The following NCAM1 variants were observed in gnomAD, a reference collection of about 807,000 sequenced individuals.
The protein encoded by NCAM1 is neural cell adhesion molecule 1.
A neutral mutation model predicts 109.8 loss-of-function variants in NCAM1; 14 were observed. The observed-to-expected ratio is 0.13, with a 90% CI of 0.08 to 0.20. The LOEUF (loss-of-function observed/expected upper bound fraction) is 0.20, where lower values mean the gene tolerates loss of function less well. Ranked by LOEUF, NCAM1 falls within the 10% of genes least tolerant of loss-of-function variation. The pLI, the probability that NCAM1 is intolerant of heterozygous loss-of-function variation, is 1.00. For missense variants in NCAM1, 774 were observed against 1,109.9 expected (o/e 0.70, Z 4.30); for synonymous variants, 418 against 442.9 (o/e 0.94, Z 0.70).
At position 113,276,474 on chromosome 11, in the gene NCAM1, G is replaced by A. The variant is rs1946400871; in HGVS notation, c.*1087G>A. On this transcript the variant is annotated 3_prime_UTR_variant, in exon 20 of 20. Transcript: ENST00000316851. ...CAGGCGTTCTCACCCTTCTTTTGAA[G>A]GACTCCTTAGGCTTTGTTGAATGAA... The A allele has an allele frequency of 6.6e-6, 1 of 152,638 alleles. No individual in the cohort carries two copies. The highest frequency in any genetic ancestry group is 2.4e-5 in the African/African-American group (1 of 41,442). The allele number at this position is 152,638 out of a possible 1,614,324, so 9.5% of individuals were successfully genotyped here.
At position 112,963,123 on chromosome 11, in the gene NCAM1, G is replaced by A. The variant is rs1256193127; in HGVS notation, c.52+1459G>A. 1 of 152,214 alleles carries A rather than the reference G, an allele frequency of 6.6e-6. No homozygotes were observed. Among genetic ancestry groups the A allele is most frequent in the African/African-American group, 2.4e-5 (1 of 41,392 alleles). The allele number at this position is 152,214 out of a possible 1,614,324, so 9.4% of individuals were successfully genotyped here. A position where few individuals can be genotyped will look rare whatever the true frequency, so the allele number is the denominator to read the frequency against. On this transcript the variant is annotated intron_variant, in intron 1 of 19. Transcript: ENST00000316851. This position sits in a 1 kb window ranked among gnomAD's most constrained non-coding sequence, Gnocchi z 4.6. Reference sequence around the variant, plus strand: ...CGAAGCTGGCTGGGCGGGAAGCCGCGAGAGGCTTTTATTGCGGCGCGGGTG... The same window carrying A: ...CGAAGCTGGCTGGGCGGGAAGCCGCAAGAGGCTTTTATTGCGGCGCGGGTG...
chr11:113,203,235 G>C (rs1209182682), intron 2 of NCAM1, among the ~76,000 whole-genome samples: 1 of 152,238 alleles, frequency 6.6e-6, no homozygotes, highest in Non-Finnish European at 1.5e-5. Context: ...GCCTTTAAAT[G>C]CTGTCATGAT....
chr11:112,962,419 G>A lies in NCAM1; in HGVS notation c.52+755G>A, dbSNP rs1040426372. Among the ~76,000 whole-genome samples, 8 of 152,002 alleles carry A rather than the reference G, an allele frequency of 5.3e-5. No homozygotes were observed. Among genetic ancestry groups the A allele is most frequent in the Admixed American group, 5.2e-4 (8 of 15,280 alleles). On this transcript the variant is annotated intron_variant, in intron 1 of 19. Transcript: ENST00000316851. The surrounding 1 kb of genome is among the most constrained non-coding windows in gnomAD (Gnocchi z 5.6). ...CGGAGGGGCGGAGGGCGAGGAGGGCGTGATTGGGGCTGCCTGGTGTGTGCG... is the reference window on the plus strand; with the variant it reads ...CGGAGGGGCGGAGGGCGAGGAGGGCATGATTGGGGCTGCCTGGTGTGTGCG...
chr11:113,090,653 C>T (rs1477167930), intron 1 of NCAM1, among the ~76,000 whole-genome samples: 1 of 152,098 alleles, frequency 6.6e-6, no homozygotes, highest in African/African-American at 2.4e-5. Flanking sequence ...AACCTAATAG[C>T]CCAAGTATGC....
At chr11:112,978,474 G>C (rs1951066681) in intron 1 of NCAM1, among the ~76,000 whole-genome samples, 1 of 151,746 alleles carries the variant, frequency 6.6e-6, no homozygotes, top group Non-Finnish European at 1.5e-5. Context: ...TAAACATTGA[G>C]AATAAAGAGA....
chr11:113,082,631 A>G (rs1215241241), intron 1 of NCAM1, among the ~76,000 whole-genome samples: 2 of 152,242 alleles, frequency 1.3e-5, no homozygotes, highest in Non-Finnish European at 2.9e-5. Context: ...AAGCAATTCA[A>G]TGAAACCTTT....
chr11:113,159,462 C>G (rs1242026793), intron 1 of NCAM1, among the ~76,000 whole-genome samples: 1 of 152,028 alleles, frequency 6.6e-6, no homozygotes, highest in African/African-American at 2.4e-5. Flanking sequence ...CACCTGTCTC[C>G]CTCAGAACTG....
At chr11:113,153,174 C>T (rs1440138004) in intron 1 of NCAM1, among the ~76,000 whole-genome samples, 3 of 152,046 alleles carry the variant, frequency 2.0e-5, no homozygotes. Flanking sequence ...TCCTGAGTAG[C>T]TGGCACTACA....
At chr11:113,221,408 A>G (rs1195408991) in intron 9 of NCAM1, 83 bp downstream of exon 9, 1 of 1,367,732 alleles carries the variant, frequency 7.3e-7, no homozygotes, top group Non-Finnish European at 1.0e-6. Flanking sequence ...ATAACCAGAC[A>G]TGCTAAACTA....
At chr11:113,046,605 CA>C (rs1255280148) in intron 1 of NCAM1, among the ~76,000 whole-genome samples, 3 of 152,066 alleles carry the variant, frequency 2.0e-5, no homozygotes, top group Non-Finnish European at 2.9e-5. Context: ...AGCAACATTG[CA>C]GATGATAGAC....
chr11:113,242,887 C>G (rs1425769918), intron 14 of NCAM1: 2 of 1,613,594 alleles, frequency 1.2e-6, no homozygotes, highest in South Asian at 1.1e-5. Context: ...GACCTCTGAT[C>G]GCTTGTTGTA....
chr11:113,139,922 G>A (rs1941752036), intron 1 of NCAM1, among the ~76,000 whole-genome samples: 1 of 152,156 alleles, frequency 6.6e-6, no homozygotes, highest in South Asian at 2.1e-4. Context: ...ATTTGTCAAG[G>A]AAAAGATTAT....
intron 1 of NCAM1, among the ~76,000 whole-genome samples, chr11:112,961,916 C>T (rs1178929006): frequency 2.0e-5 from 3 of 152,134 alleles, no homozygotes; most frequent in African/African-American, 7.2e-5. Context: ...GCCCTTCCCA[C>T]TTTGTGCGCC....
chr11:113,198,742 A>G (rs1943935029), intron 1 of NCAM1, among the ~76,000 whole-genome samples: 1 of 152,204 alleles, frequency 6.6e-6, no homozygotes, highest in South Asian at 2.1e-4. Flanking sequence ...TTGGAGATGG[A>G]CAGAAGGTTA....
chr11:112,986,159 T>C (rs1591216169), intron 1 of NCAM1, among the ~76,000 whole-genome samples: 1 of 152,084 alleles, frequency 6.6e-6, no homozygotes, highest in African/African-American at 2.4e-5. Flanking sequence ...TCTGCACTTA[T>C]TGAGATGATC....
At chr11:113,193,460 A>G (rs1555110233) in intron 1 of NCAM1, among the ~76,000 whole-genome samples, 1 of 152,142 alleles carries the variant, frequency 6.6e-6, no homozygotes, top group African/African-American at 2.4e-5. Flanking sequence ...AGCCTGGTGA[A>G]CATGGTGAAA....
chr11:113,126,260 A>G (rs1941173928), intron 1 of NCAM1, among the ~76,000 whole-genome samples: 1 of 152,088 alleles, frequency 6.6e-6, no homozygotes, highest in African/African-American at 2.4e-5. Flanking sequence ...AATAGCTGCC[A>G]TTTATTCAGT....
intron 1 of NCAM1, among the ~76,000 whole-genome samples, chr11:113,022,301 AGGATAATACATTTC>A (rs1322862977): frequency 6.6e-6 from 1 of 152,202 alleles, no homozygotes; most frequent in Non-Finnish European, 1.5e-5. Flanking sequence ...TCTAGGGAAG[AGGATAATACATTTC>A]TGAACAGCAC....
At position 112,962,460 on chromosome 11, in the gene NCAM1, G is replaced by C. The variant is rs959033542; in HGVS notation, c.52+796G>C. Among the ~76,000 whole-genome samples, 2 of 151,984 alleles carry C rather than the reference G, an allele frequency of 1.3e-5. No homozygotes were observed. Among genetic ancestry groups the C allele is most frequent in the African/African-American group, 4.8e-5 (2 of 41,392 alleles). The stretch of plus-strand genomic sequence containing the variant: ...GGTGTGTGCGCGCGCGTGTGCGCGC[G>C]TGTGTCTTTACACGCGCCGCGTGCC... On this transcript the variant is annotated intron_variant, in intron 1 of 19. Transcript: ENST00000316851. The surrounding 1 kb of genome is among the most constrained non-coding windows in gnomAD (Gnocchi z 5.6).
Sources: gnomAD v4.1 joint callset for allele counts (sites outside exome capture counted in the v4.1 genomes callset) on GRCh38, gnomAD v4.1.1 for gene constraint, Gnocchi (gnomAD v3.1) non-coding constraint, MANE v1.5 for transcripts, NCBI Gene and HGNC (gene_info 2026-07-23, HGNC 2026-07-21) for gene names.